The following CUL3 variants were observed in gnomAD, a reference collection of about 807,000 sequenced individuals.
CUL3 encodes cullin-3.
In CUL3, 19 loss-of-function variants were observed where a neutral mutation model predicts 89.1. That is an observed-to-expected ratio of 0.21 (90% CI 0.15 to 0.31). The LOEUF is 0.31. Among genes scored for constraint, CUL3 ranks in the 10% least tolerant of loss-of-function variants. The pLI is 1.00. For synonymous variants in CUL3, 351 were observed against 308.4 expected (o/e 1.14, Z -1.45); for missense variants, 469 against 942.3 (o/e 0.50, Z 6.58).
chr2:224,566,952 C>T (rs1695055495), intron 1 of CUL3, among the ~76,000 whole-genome samples: 1 of 152,148 alleles, frequency 6.6e-6, no homozygotes, highest in South Asian at 2.1e-4. Flanking sequence ...CTTGAAATGG[C>T]AGGTAACCAC....
chr2:224,575,832 C>T (rs1394289646), intron 1 of CUL3, among the ~76,000 whole-genome samples: 3 of 152,144 alleles, frequency 2.0e-5, no homozygotes, highest in Non-Finnish European at 2.9e-5. Flanking sequence ...GGATGACAAG[C>T]TCTAAGCGTG....
chr2:224,503,040 C>T lies in CUL3; in HGVS notation c.1410G>A (p.Leu470=), dbSNP rs1231397969. The T allele has an allele frequency of 2.5e-6, 4 of 1,613,742 alleles. No homozygotes were observed. The highest frequency in any genetic ancestry group is 2.5e-6 in the Non-Finnish European group (3 of 1,179,838). ...TGCTCATATCCCTAAACATTCCTTC[C>T]AGTTTTGACGTGAACTGACATCCAC... The part of the protein sequence containing the change: ...TECGCQFTSK[L]EGMFRDMSIS... Residue 470 remains leucine, a synonymous_variant, in exon 10 of 16, where the codon CTG becomes CTA. Coordinates refer to ENST00000264414, the MANE Select transcript of CUL3 (RefSeq NM_003590.5).
chr2:224,522,951 C>T (rs1559170401), intron 3 of CUL3, among the ~76,000 whole-genome samples: 4 of 151,986 alleles, frequency 2.6e-5, no homozygotes, highest in Admixed American at 2.6e-4. Context: ...CAAATCAAAC[C>T]CATGTTTCTC....
intron 1 of CUL3, among the ~76,000 whole-genome samples, chr2:224,577,560 ACT>A (rs993133817): frequency 1.9e-5 from 2 of 103,098 alleles, no homozygotes; most frequent in Non-Finnish European, 3.8e-5. Flanking sequence ...CAGAGCGGAG[ACT>A]CTGTCTCAAA....
intron 2 of CUL3, among the ~76,000 whole-genome samples, chr2:224,546,045 T>A (rs1694279464): frequency 6.6e-6 from 1 of 152,172 alleles, no homozygotes; most frequent in Non-Finnish European, 1.5e-5. Context: ...ATGATAGCTT[T>A]TTACTTACTG....
At chr2:224,554,966 A>G (rs1390459077) in intron 2 of CUL3, among the ~76,000 whole-genome samples, 2 of 152,166 alleles carry the variant, frequency 1.3e-5, no homozygotes, top group Non-Finnish European at 2.9e-5. Context: ...TTTGCTCCTA[A>G]GATTCATCCC....
intron 1 of CUL3, among the ~76,000 whole-genome samples, chr2:224,578,784 T>C (rs905894772): frequency 2.6e-5 from 4 of 152,146 alleles, no homozygotes; most frequent in African/African-American, 9.7e-5. Context: ...CTAACAGGAC[T>C]ACTAAAGACC....
At chr2:224,534,081 T>G (rs763366023) in intron 3 of CUL3, among the ~76,000 whole-genome samples, 1 of 152,166 alleles carries the variant, frequency 6.6e-6, no homozygotes, top group Non-Finnish European at 1.5e-5. Flanking sequence ...AATAATTATA[T>G]CCAATACACA....
At chr2:224,506,759 G>T in intron 7 of CUL3, 99 bp downstream of exon 7, 1 of 998,972 alleles carries the variant, frequency 1.0e-6, no homozygotes, top group Non-Finnish European at 1.4e-6. Flanking sequence ...GGACAATTAA[G>T]TTGAAAGTAC....
At chr2:224,542,961 A>G (rs899328874) in intron 2 of CUL3, among the ~76,000 whole-genome samples, 10 of 152,214 alleles carry the variant, frequency 6.6e-5, no homozygotes, top group Non-Finnish European at 1.3e-4. Context: ...GGCTAGCTGG[A>G]GAGCTGAAGG....
intron 2 of CUL3, among the ~76,000 whole-genome samples, chr2:224,538,935 G>A (rs1165226152): frequency 2.6e-5 from 4 of 152,266 alleles, no homozygotes; most frequent in South Asian, 2.1e-4. Context: ...ACGAGGCTGA[G>A]GGGGTAGGAT....
At chr2:224,580,856 A>C (rs1444259042) in intron 1 of CUL3, among the ~76,000 whole-genome samples, 1 of 148,872 alleles carries the variant, frequency 6.7e-6, no homozygotes, top group African/African-American at 2.5e-5. Flanking sequence ...TAATTTTGTA[A>C]AACAATCTGA....
At chr2:224,541,919 A>G (rs1694123075) in intron 2 of CUL3, among the ~76,000 whole-genome samples, 1 of 152,166 alleles carries the variant, frequency 6.6e-6, no homozygotes, top group Non-Finnish European at 1.5e-5. Flanking sequence ...CTATAAAGGG[A>G]TAACAGAGGG....
intron 1 of CUL3, among the ~76,000 whole-genome samples, chr2:224,568,837 A>G (rs1018291220): frequency 6.6e-6 from 1 of 152,234 alleles, no homozygotes; most frequent in African/African-American, 2.4e-5. Context: ...TCAAGTGCAG[A>G]TTAATACATA....
chr2:224,569,752 A>G (rs1048871748), intron 1 of CUL3: 3 of 1,213,874 alleles, frequency 2.5e-6, no homozygotes, highest in Non-Finnish European at 3.2e-6. Flanking sequence ...AACTAAATGA[A>G]AAGAAGTGAA....
intron 2 of CUL3, among the ~76,000 whole-genome samples, chr2:224,549,912 T>A (rs1441018838): frequency 6.6e-6 from 1 of 152,022 alleles, no homozygotes; most frequent in Non-Finnish European, 1.5e-5. Context: ...TGTGAAAAAC[T>A]GTAACTCTGC....
intron 13 of CUL3, among the ~76,000 whole-genome samples, chr2:224,482,959 C>A: frequency 6.6e-6 from 1 of 152,240 alleles, no homozygotes; most frequent in East Asian, 1.9e-4. Flanking sequence ...TCAGATTATA[C>A]GAGTAACTGA....
intron 5 of CUL3, among the ~76,000 whole-genome samples, chr2:224,512,585 C>T (rs1689704038): frequency 6.6e-6 from 1 of 152,148 alleles, no homozygotes; most frequent in Non-Finnish European, 1.5e-5. Flanking sequence ...ACCAGTTTAG[C>T]TTTACTTTTA....
chr2:224,521,575 T>A (rs778927699), intron 3 of CUL3, among the ~76,000 whole-genome samples: 25 of 151,944 alleles, frequency 1.6e-4, no homozygotes, highest in Non-Finnish European at 3.5e-4. Context: ...GGATTACAGG[T>A]ATGTGCCACC....
Sources: allele counts gnomAD v4.1 joint callset (sites outside exome capture counted in the v4.1 genomes callset), GRCh38; gene constraint gnomAD v4.1.1; transcripts MANE v1.5; gene names NCBI Gene and HGNC (gene_info 2026-07-23, HGNC 2026-07-21).